Variants in DTHD1 observed in about 807,000 individuals in gnomAD.
The protein encoded by DTHD1 is death domain containing 1.
Under a neutral mutation model 74.8 loss-of-function variants are expected in DTHD1, and 59 were observed. The observed-to-expected ratio is 0.79, with a 90% CI of 0.64 to 0.98. The LOEUF is 0.98. Among genes scored for constraint, DTHD1 ranks in the 50% least tolerant of loss-of-function variants. The probability of loss-of-function intolerance (pLI) is 0.00; values close to 1 mark genes in which losing one functional copy is unlikely to be tolerated. For synonymous variants in DTHD1, 365 were observed against 371.1 expected, an observed-to-expected ratio of 0.98 and a Z score of 0.19; for missense variants, 1,051 against 1,065.4, an observed-to-expected ratio of 0.99 and a Z score of 0.19.
intron 5 of DTHD1, among the ~76,000 whole-genome samples, chr4:36,303,706 G>C (rs542282534): frequency 9.9e-5 from 15 of 152,206 alleles, no homozygotes; most frequent in Non-Finnish European, 1.5e-4. Flanking sequence ...ACTGGAACCG[G>C]AAGACAGATA....
At chr4:36,302,086 A>G (rs1164081658) in intron 5 of DTHD1, among the ~76,000 whole-genome samples, 2 of 152,206 alleles carry the variant, frequency 1.3e-5, no homozygotes, top group Non-Finnish European at 2.9e-5. Flanking sequence ...GCTCAAGCTC[A>G]GGGTGGAATA....
chr4:36,343,625 C>A lies in DTHD1; in HGVS notation c.2522C>A (p.Pro841His). Residue 841 changes from proline to histidine, a missense_variant, in exon 10 of 10, where the codon CCT becomes CAT. Transcript: ENST00000639862. ...ATTCAGCTCATCAAACTCAAGAACC[C>A]TGATGATCTCACAGAACAGATCCAC... Reference protein sequence around the residue: ...STIQLIKLKNPDDLTEQIHEF... With the variant: ...STIQLIKLKNHDDLTEQIHEF... The A allele has an allele frequency of 1.3e-6, 2 of 1,551,896 alleles. No individual in the cohort carries two copies. The highest frequency in any genetic ancestry group is 1.7e-6 in the Non-Finnish European group (2 of 1,146,982).
At chr4:36,343,475 C>CGT (rs1366489174) in intron 9 of DTHD1, 27 bp from the exon 10 acceptor site, 1 of 1,541,184 alleles carries the variant, frequency 6.5e-7, no homozygotes, top group East Asian at 2.5e-5. Flanking sequence ...GGGTCCTAAC[C>CGT]GTGAGTGTTC....
rs911861450 is a variant in DTHD1, at chr4:36,344,369, A to G, written c.*545A>G. 5.8e-5 allele frequency: 9 copies of G among 154,988 alleles called. No homozygotes were observed. Among genetic ancestry groups the G allele is most frequent in the African/African-American group, 1.7e-4 (7 of 41,454 alleles). 9.6% of individuals were successfully genotyped at this position (154,988 alleles called of 1,614,324 possible). A position where few individuals can be genotyped will look rare whatever the true frequency, so the allele number is the denominator to read the frequency against. On this transcript the variant is annotated 3_prime_UTR_variant, in exon 10 of 10. Coordinates refer to ENST00000639862, the MANE Select transcript of DTHD1 (RefSeq NM_001170700.3). Reference sequence around the variant, plus strand: ...CATTTTAGGGAGTTATAATATATCAATCAATACATGTAAGGTGTACATTGG... The same window carrying G: ...CATTTTAGGGAGTTATAATATATCAGTCAATACATGTAAGGTGTACATTGG...
At chr4:36,318,606 T>C (rs908230520) in intron 8 of DTHD1, among the ~76,000 whole-genome samples, 1 of 123,244 alleles carries the variant, frequency 8.1e-6, no homozygotes, top group African/African-American at 3.2e-5. Context: ...ATTTTCTTTT[T>C]CTTTTCTTTT....
In DTHD1 at chr4:36,293,553, A is replaced by G; in HGVS notation, c.1246A>G (p.Lys416Glu). The G allele has an allele frequency of 6.5e-7, 1 of 1,545,786 alleles. No homozygotes were observed. Among genetic ancestry groups the G allele is most frequent in the Non-Finnish European group, 8.7e-7 (1 of 1,143,294 alleles). ...KGTCASVKVY[K>E]LGIFSVVSCL... ...GACCTGTGCTTCAGTAAAAGTTTAC[A>G]AATTGGGTATCTTTTCTGTTGTGTC... is the stretch of plus-strand genomic sequence containing the variant. Residue 416 changes from lysine (K) to glutamate (E), a missense_variant, in exon 4 of 10, where the codon AAA (lysine) becomes GAA (glutamate). Transcript: ENST00000639862.
intron 8 of DTHD1, among the ~76,000 whole-genome samples, chr4:36,318,085 A>G (rs1757832604): frequency 6.6e-6 from 1 of 152,244 alleles, no homozygotes; most frequent in Admixed American, 6.5e-5. Flanking sequence ...CAGAAATCCT[A>G]TGATACATAA....
chr4:36,338,852 G>A (rs563950642), intron 8 of DTHD1, among the ~76,000 whole-genome samples: 1 of 152,216 alleles, frequency 6.6e-6, no homozygotes, highest in Non-Finnish European at 1.5e-5. Context: ...TGTTCATTTA[G>A]AGTTAATCTG....
chr4:36,316,284 A>G lies in DTHD1; in HGVS notation c.2138A>G (p.His713Arg), dbSNP rs1265971709. 6.4e-7 allele frequency: 1 copy of G among 1,551,610 alleles called. No individual in the cohort carries two copies. The highest frequency in any genetic ancestry group is 1.2e-5 in the South Asian group (1 of 84,062). ...GGAAAAGACTACACACTTATTTTTC[A>G]CTTGCAAAGAAAACCTAGGCTGGAA... The part of the protein sequence containing the change: ...DYGKDYTLIF[H>R]LQRKPRLELQ... The change falls in exon 8 of 10, where the codon CAC becomes CGC. Residue 713 changes from histidine (H) to arginine (R), a missense_variant. His to Arg is a conservative substitution (Grantham distance 29). Coordinates refer to ENST00000639862, the MANE Select transcript of DTHD1 (RefSeq NM_001170700.3).
chr4:36,320,628 T>G (rs1466619722), intron 8 of DTHD1, among the ~76,000 whole-genome samples: 2 of 152,230 alleles, frequency 1.3e-5, no homozygotes, highest in Non-Finnish European at 2.9e-5. Flanking sequence ...AATAAGTTTG[T>G]CAGGTTGAAA....
chr4:36,294,470 C>G (rs1001337540), intron 4 of DTHD1, among the ~76,000 whole-genome samples: 1 of 151,956 alleles, frequency 6.6e-6, no homozygotes, highest in African/African-American at 2.4e-5. Context: ...CTTGATCTAA[C>G]AATTTCTAAT....
At chr4:36,306,682 A>G (rs1020041586) in intron 6 of DTHD1, among the ~76,000 whole-genome samples, 3 of 152,238 alleles carry the variant, frequency 2.0e-5, no homozygotes, top group Admixed American at 6.5e-5. Flanking sequence ...ATAACTATGT[A>G]TAGATAAGCG....
intron 8 of DTHD1, among the ~76,000 whole-genome samples, chr4:36,337,545 T>C (rs1178879312): frequency 1.3e-5 from 2 of 152,222 alleles, no homozygotes; most frequent in Non-Finnish European, 2.9e-5. Context: ...TAAATTAGTA[T>C]TTCTTTCTCA....
intron 8 of DTHD1, among the ~76,000 whole-genome samples, chr4:36,338,746 C>G (rs916184947): frequency 1.1e-4 from 17 of 152,034 alleles, no homozygotes; most frequent in African/African-American, 4.1e-4. Context: ...AAAGTGCCTG[C>G]CCCACAAGGG....
At chr4:36,294,260 C>T (rs1756259071) in intron 4 of DTHD1, among the ~76,000 whole-genome samples, 1 of 151,960 alleles carries the variant, frequency 6.6e-6, no homozygotes, top group African/African-American at 2.4e-5. Context: ...CCCTCCCATG[C>T]TCTCCTCTCT....
intron 5 of DTHD1, among the ~76,000 whole-genome samples, chr4:36,297,472 G>T (rs770739292): frequency 1.3e-5 from 2 of 151,898 alleles, no homozygotes; most frequent in Non-Finnish European, 2.9e-5. Flanking sequence ...TTTTTGATCA[G>T]ATATAAATAT....
At chr4:36,322,170 T>C (rs1359499812) in intron 8 of DTHD1, among the ~76,000 whole-genome samples, 1 of 152,198 alleles carries the variant, frequency 6.6e-6, no homozygotes, top group Non-Finnish European at 1.5e-5. Context: ...TCTTCATTTG[T>C]ACATTTCTTG....
At chr4:36,289,375 T>C (rs906245446) in intron 2 of DTHD1, among the ~76,000 whole-genome samples, 1 of 152,190 alleles carries the variant, frequency 6.6e-6, no homozygotes, top group Non-Finnish European at 1.5e-5. Flanking sequence ...TTTCAATTTG[T>C]AATGAATAAA....
intron 8 of DTHD1, among the ~76,000 whole-genome samples, chr4:36,320,104 C>CT (rs1336782498): frequency 6.6e-6 from 1 of 152,040 alleles, no homozygotes; most frequent in African/African-American, 2.4e-5. Flanking sequence ...TTCAGGGAGT[C>CT]TTTTTTTCTG....
Sources: allele counts gnomAD v4.1 joint callset (sites outside exome capture counted in the v4.1 genomes callset), GRCh38; gene constraint gnomAD v4.1.1; transcripts MANE v1.5; gene names NCBI Gene and HGNC (gene_info 2026-07-23, HGNC 2026-07-21).